Variants in CADPS2 observed in about 807,000 individuals in gnomAD.
CADPS2 encodes the protein calcium dependent secretion activator 2.
In CADPS2, 93 loss-of-function variants were observed where a neutral mutation model predicts 172.5. The ratio of observed to expected loss-of-function variants is 0.54; its 90% CI spans 0.46 to 0.64. The LOEUF (loss-of-function observed/expected upper bound fraction) is 0.64. CADPS2 is among the 30% of genes least tolerant of loss of function. CADPS2 has a pLI of 0.00. For missense variants in CADPS2, 1,420 were observed against 1,565.9 expected, an observed-to-expected ratio of 0.91 and a Z score of 1.57; for synonymous variants, 546 against 555.2, an observed-to-expected ratio of 0.98 and a Z score of 0.23.
intron 1 of CADPS2, among the ~76,000 whole-genome samples, chr7:122,873,735 G>A (rs1049957902): frequency 9.2e-5 from 14 of 152,156 alleles, no homozygotes; most frequent in Non-Finnish European, 1.9e-4. Flanking sequence ...AGATCCCAGA[G>A]GAATCATCAC....
chr7:122,536,339 C>T (rs976333315), intron 8 of CADPS2, among the ~76,000 whole-genome samples: 1 of 151,960 alleles, frequency 6.6e-6, no homozygotes, highest in African/African-American at 2.4e-5. Context: ...CCACAGGACA[C>T]TTAACGAGTA....
chr7:122,834,213 T>C (rs1004808948), intron 1 of CADPS2, among the ~76,000 whole-genome samples: 9 of 152,068 alleles, frequency 5.9e-5, no homozygotes, highest in African/African-American at 9.7e-5. Flanking sequence ...CAAACTTCAA[T>C]GGAAAATAAC....
At chr7:122,729,219 C>T (rs2091407233) in intron 2 of CADPS2, among the ~76,000 whole-genome samples, 1 of 151,654 alleles carries the variant, frequency 6.6e-6, no homozygotes. Flanking sequence ...TTACGGTCAA[C>T]AGTATTCCAT....
chr7:122,445,435 A>G (rs2052027644), intron 15 of CADPS2, among the ~76,000 whole-genome samples: 1 of 152,098 alleles, frequency 6.6e-6, no homozygotes. Context: ...TTGATCCCAA[A>G]GTATTTCATA....
intron 1 of CADPS2, among the ~76,000 whole-genome samples, chr7:122,782,317 A>G (rs1792939473): frequency 6.6e-6 from 1 of 152,136 alleles, no homozygotes; most frequent in Non-Finnish European, 1.5e-5. Flanking sequence ...TAAAATCTTC[A>G]TAGAATTGTT....
chr7:122,587,523 C>T (rs2069930825), intron 6 of CADPS2, among the ~76,000 whole-genome samples: 1 of 152,052 alleles, frequency 6.6e-6, no homozygotes. Flanking sequence ...CATTGATGAG[C>T]ATTTGGGTTG....
intron 19 of CADPS2, among the ~76,000 whole-genome samples, chr7:122,410,904 G>A (rs1044122544): frequency 6.6e-6 from 1 of 152,152 alleles, no homozygotes; most frequent in Admixed American, 6.5e-5. Flanking sequence ...AATTATTTCA[G>A]GTAGATTGTA....
At chr7:122,866,273 T>C (rs1818292160) in intron 1 of CADPS2, among the ~76,000 whole-genome samples, 1 of 152,228 alleles carries the variant, frequency 6.6e-6, no homozygotes, top group South Asian at 2.1e-4. Flanking sequence ...ATATTACCTC[T>C]CAGGCTACCA....
At chr7:122,512,779 G>A (rs1223407965) in intron 9 of CADPS2, among the ~76,000 whole-genome samples, 1 of 152,104 alleles carries the variant, frequency 6.6e-6, no homozygotes, top group Non-Finnish European at 1.5e-5. Flanking sequence ...TGATGCAGTG[G>A]TTCTCAAGGT....
intron 2 of CADPS2, among the ~76,000 whole-genome samples, chr7:122,710,190 T>G (rs2088475859): frequency 6.6e-6 from 1 of 152,070 alleles, no homozygotes; most frequent in African/African-American, 2.4e-5. Flanking sequence ...AGTCTGTGGT[T>G]AACTCTGAGT....
intron 14 of CADPS2, among the ~76,000 whole-genome samples, chr7:122,458,573 C>G (rs2054071596): frequency 6.6e-6 from 1 of 152,034 alleles, no homozygotes; most frequent in Non-Finnish European, 1.5e-5. Context: ...TTTTTGCAAA[C>G]ACTCCCCCCT....
chr7:122,868,590 T>A (rs1818893451), intron 1 of CADPS2, among the ~76,000 whole-genome samples: 1 of 152,124 alleles, frequency 6.6e-6, no homozygotes, highest in Non-Finnish European at 1.5e-5. Context: ...AAGAAAGATC[T>A]TTTACGCAAG....
chr7:122,700,170 C>T (rs1320397399), intron 2 of CADPS2, among the ~76,000 whole-genome samples: 1 of 152,116 alleles, frequency 6.6e-6, no homozygotes, highest in African/African-American at 2.4e-5. Flanking sequence ...TTCCCACCAG[C>T]TAGGAAACCG....
intron 9 of CADPS2, among the ~76,000 whole-genome samples, chr7:122,495,017 T>C (rs1299985478): frequency 6.6e-6 from 1 of 151,908 alleles, no homozygotes; most frequent in Non-Finnish European, 1.5e-5. Flanking sequence ...ACAATAACGG[T>C]CCAACTGTAT....
At chr7:122,783,915 T>C (rs1239034172) in intron 1 of CADPS2, among the ~76,000 whole-genome samples, 1 of 152,172 alleles carries the variant, frequency 6.6e-6, no homozygotes, top group Non-Finnish European at 1.5e-5. Flanking sequence ...TTATGCAAAC[T>C]CTCAGGCCTT....
rs1554517733 is a variant in CADPS2, at chr7:122,882,634, T to TA, written c.339+3364dup. On this transcript the variant is annotated intron_variant, in intron 1 of 29. Transcript: ENST00000449022. Reference sequence around the variant, plus strand: ...AAGGAACCCTTTTTTTTTTTTTTTTTACTTTCTCCTCCGAGGTCTCAATGT... The same window carrying TA: ...AAGGAACCCTTTTTTTTTTTTTTTTTAACTTTCTCCTCCGAGGTCTCAATGT... Among the ~76,000 whole-genome samples, 1,296 of 150,374 alleles carry TA rather than the reference T, an allele frequency of 8.6e-3. 23 individuals are homozygous for TA. The highest frequency in any genetic ancestry group is 0.014 in the Middle Eastern group (4 of 294).
At chr7:122,871,298 T>C (rs1318622745) in intron 1 of CADPS2, among the ~76,000 whole-genome samples, 2 of 151,934 alleles carry the variant, frequency 1.3e-5, no homozygotes, top group East Asian at 3.9e-4. Flanking sequence ...AAACAACCAA[T>C]CTTAAGTACT....
intron 1 of CADPS2, among the ~76,000 whole-genome samples, chr7:122,815,725 A>T (rs917782697): frequency 1.3e-5 from 2 of 152,214 alleles, no homozygotes; most frequent in African/African-American, 4.8e-5. Context: ...ATCCATTATT[A>T]CCACTAAACT....
At chr7:122,857,866 C>G (rs1815747978) in intron 1 of CADPS2, among the ~76,000 whole-genome samples, 1 of 152,100 alleles carries the variant, frequency 6.6e-6, no homozygotes, top group Non-Finnish European at 1.5e-5. Flanking sequence ...TCAGATATGT[C>G]TGGAGCTTCT....
Sources: gnomAD v4.1 joint callset for allele counts (sites outside exome capture counted in the v4.1 genomes callset) on GRCh38, gnomAD v4.1.1 for gene constraint, MANE v1.5 for transcripts, NCBI Gene and HGNC (gene_info 2026-07-23, HGNC 2026-07-21) for gene names.